The following ZBTB40 variants were observed in gnomAD, a reference collection of about 807,000 sequenced individuals.
ZBTB40 encodes zinc finger and BTB domain containing 40.
A neutral mutation model predicts 117.5 loss-of-function variants in ZBTB40; 60 were observed. That is an observed-to-expected ratio of 0.51 (90% CI 0.41 to 0.63). ZBTB40 has a LOEUF of 0.63. Ranked by LOEUF, ZBTB40 falls within the 30% of genes least tolerant of loss-of-function variation. ZBTB40 has a pLI of 0.00. For synonymous variants in ZBTB40, 525 were observed against 577.1 expected (o/e 0.91, Z 1.29); for missense variants, 1,287 against 1,498.5 (o/e 0.86, Z 2.33).
upstream of ZBTB40, among the ~76,000 whole-genome samples, chr1:22,450,966 G>A (rs998493567): frequency 3.9e-5 from 6 of 152,242 alleles, no homozygotes; most frequent in African/African-American, 4.8e-5. Flanking sequence ...GTGGGCCAGC[G>A]CGGAGGTGAC....
At chr1:22,511,552 A>G (rs1295732446) in intron 10 of ZBTB40, 124 bp from the exon 11 acceptor site, 10 of 1,260,618 alleles carry the variant, frequency 7.9e-6, no homozygotes, top group Non-Finnish European at 9.9e-6. Context: ...CAATGATATT[A>G]CTTCAGAGTG....
intron 12 of ZBTB40, among the ~76,000 whole-genome samples, chr1:22,514,455 C>T (rs550028096): frequency 2.6e-5 from 4 of 152,210 alleles, no homozygotes; most frequent in Non-Finnish European, 5.9e-5. Context: ...TCTCTGACTT[C>T]ATCTCTTAGG....
At chr1:22,499,662 G>T (rs192611395) in intron 3 of ZBTB40, among the ~76,000 whole-genome samples, 1 of 152,148 alleles carries the variant, frequency 6.6e-6, no homozygotes, top group South Asian at 2.1e-4. Context: ...TTGTCTATGT[G>T]TACTTTTGGA....
chr1:22,498,992 C>T (rs1412078141), intron 3 of ZBTB40, among the ~76,000 whole-genome samples: 1 of 152,224 alleles, frequency 6.6e-6, no homozygotes, highest in Non-Finnish European at 1.5e-5. Context: ...AAGCAACAAA[C>T]ATTTATTCCC....
chr1:22,484,663 G>A (rs1638417544), intron 1 of ZBTB40, among the ~76,000 whole-genome samples: 1 of 152,152 alleles, frequency 6.6e-6, no homozygotes, highest in Admixed American at 6.5e-5. Context: ...CATTAGCTAG[G>A]ACTTCCAGTA....
intron 1 of ZBTB40, among the ~76,000 whole-genome samples, chr1:22,458,676 A>G (rs1414877582): frequency 1.3e-5 from 2 of 152,348 alleles, no homozygotes; most frequent in Middle Eastern, 6.8e-3. Flanking sequence ...TTGTATCACC[A>G]ACTTCATAAA....
rs1424874222 is a variant in ZBTB40, at chr1:22,527,392, C to T, written c.*996C>T. ...GCCTGCTGCCTCACCTCCCGCAGGC[C>T]GCCACACTTATTGCAGGTCAGTGAT... On this transcript the variant is annotated 3_prime_UTR_variant, in exon 18 of 18. Coordinates refer to ENST00000375647, the MANE Select transcript of ZBTB40 (RefSeq NM_014870.4). 2.0e-5 allele frequency: 3 copies of T among 152,466 alleles called. No homozygotes were observed. The highest frequency in any genetic ancestry group is 6.5e-5 in the Admixed American group (1 of 15,306). 9.4% of individuals were successfully genotyped at this position (152,466 alleles called of 1,614,324 possible).
At position 22,522,372 on chromosome 1, in the gene ZBTB40, C is replaced by T. The variant is rs763629220; in HGVS notation, c.3212-5C>T. 13 of 1,614,126 alleles carry T rather than the reference C, an allele frequency of 8.1e-6. No individual in the cohort carries two copies. The highest frequency in any genetic ancestry group is 1.0e-5 in the Non-Finnish European group (12 of 1,179,966). On this transcript the variant is annotated splice_polypyrimidine_tract_variant and splice_region_variant and intron_variant, in intron 15 of 17. Transcript: ENST00000375647. ...CCAGCACGTCTTTCTTTATGCACTT[C>T]ACAGATATGAAGTTCCATGAATGTG...
At chr1:22,510,520 C>T (rs1371934167) in intron 9 of ZBTB40, among the ~76,000 whole-genome samples, 3 of 152,138 alleles carry the variant, frequency 2.0e-5, no homozygotes, top group South Asian at 2.1e-4. Context: ...ATGAAAATTC[C>T]GTTTGGCCAT....
At chr1:22,472,497 TTTA>T (rs1641436165) in intron 1 of ZBTB40, among the ~76,000 whole-genome samples, 1 of 152,212 alleles carries the variant, frequency 6.6e-6, no homozygotes, top group Non-Finnish European at 1.5e-5. Context: ...CATATTGAGC[TTTA>T]ATTTTAGACT....
Position 22,524,982 on chromosome 1 carries a change from A to G in ZBTB40, c.3525+538A>G, listed in dbSNP as rs113261438. Among the ~76,000 whole-genome samples the G allele has an allele frequency of 1.5e-3, 228 of 152,358 alleles. 1 individual carries two copies. Among genetic ancestry groups the G allele is most frequent in the African/African-American group, 5.3e-3 (219 of 41,592 alleles). On this transcript the variant is annotated intron_variant, in intron 17 of 17. Transcript: ENST00000375647. ...ATCTTCTCCAGAGAGGGTGGGCAGA[A>G]AAGGAAAATAAATTCAGGTCCATCC...
At chr1:22,433,441 A>AAACAAAAACAAAAACAAC (rs1243080717) in intron 1 of ZBTB40, among the ~76,000 whole-genome samples, 2 of 140,068 alleles carry the variant, frequency 1.4e-5, no homozygotes, top group Non-Finnish European at 3.1e-5. Context: ...TCAAAAAAAA[A>AAACAAAAACAAAAACAAC]AAAAAAAAAA....
At position 22,526,539 on chromosome 1, in the gene ZBTB40, AG is replaced by A. The variant is rs1409621500; in HGVS notation, c.*144del. On this transcript the variant is annotated 3_prime_UTR_variant, in exon 18 of 18. Coordinates refer to ENST00000375647, the MANE Select transcript of ZBTB40 (RefSeq NM_014870.4). Reference sequence around the variant, plus strand: ...ACCAACACAGTCTCACCTAGAAAACAGATGGAAGCTTCGTTGTTCTCATAGA... The same window carrying A: ...ACCAACACAGTCTCACCTAGAAAACAATGGAAGCTTCGTTGTTCTCATAGA... 1 of 1,061,022 alleles carries A rather than the reference AG, an allele frequency of 9.4e-7. No individual in the cohort carries two copies. The highest frequency in any genetic ancestry group is 1.6e-5 in the African/African-American group (1 of 64,188). The allele number at this position is 1,061,022 out of a possible 1,614,324, so 65.7% of individuals were successfully genotyped here.
At chr1:22,507,385 T>C (rs1160863595) in intron 6 of ZBTB40, among the ~76,000 whole-genome samples, 2 of 152,216 alleles carry the variant, frequency 1.3e-5, no homozygotes, top group African/African-American at 4.8e-5. Context: ...GATAGTTGTC[T>C]TTGTACATAG....
At position 22,468,358 on chromosome 1, in the gene ZBTB40, G is replaced by A. The variant is rs560239449; in HGVS notation, c.-70+16354G>A. 1.1e-3 allele frequency among the ~76,000 whole-genome samples: 159 copies of A among 145,064 alleles called. No homozygotes were observed. In the South Asian group the frequency reaches 0.016, roughly 15 times the overall value. ...CTTTTGATTCCATGTTTTGATTTGC[G>A]TTTCTTTAATTATTCACCAGGCTGA... On this transcript the variant is annotated intron_variant, in intron 1 of 17. Transcript: ENST00000375647.
At chr1:22,516,719 G>A (rs1456455879) in intron 12 of ZBTB40, among the ~76,000 whole-genome samples, 2 of 152,116 alleles carry the variant, frequency 1.3e-5, no homozygotes, top group African/African-American at 4.8e-5. Context: ...AGTTGGTCTA[G>A]CATTTCTCAC....
At chr1:22,447,214 C>A (rs1455272158), upstream of ZBTB40, among the ~76,000 whole-genome samples, 1 of 151,716 alleles carries the variant, frequency 6.6e-6, no homozygotes, top group South Asian at 2.1e-4. Flanking sequence ...GTAAATTATA[C>A]CTTGGTAAAG....
chr1:22,441,455 G>C (rs1640730715), intron 1 of ZBTB40, among the ~76,000 whole-genome samples: 1 of 138,512 alleles, frequency 7.2e-6, no homozygotes, highest in African/African-American at 2.6e-5. Flanking sequence ...CTCTGCTTCA[G>C]TCTTTATTAT....
chr1:22,508,453 T>C lies in ZBTB40; in HGVS notation c.1498-77T>C, dbSNP rs1330935368. On this transcript the variant is annotated intron_variant, in intron 7 of 17. Transcript: ENST00000375647. ...CCCAAACATATTCACTGTAACCCAA[T>C]ATCTAGACTTGCAGCTCTGCAGCTG... The C allele has an allele frequency of 2.6e-6, 4 of 1,532,952 alleles. No homozygotes were observed. The African/African-American group carries it at 4.1e-5, about 16-fold the overall frequency. 95.0% of individuals were successfully genotyped at this position (1,532,952 alleles called of 1,614,324 possible). A position where few individuals can be genotyped will look rare whatever the true frequency, so the allele number is the denominator to read the frequency against.
Sources: gnomAD v4.1 joint callset for allele counts (sites outside exome capture counted in the v4.1 genomes callset) on GRCh38, gnomAD v4.1.1 for gene constraint, MANE v1.5 for transcripts, NCBI Gene and HGNC (gene_info 2026-07-23, HGNC 2026-07-21) for gene names.